The following MCM4 variants were observed in gnomAD, a reference collection of about 807,000 sequenced individuals.
The protein encoded by MCM4 is DNA replication licensing factor MCM4.
In MCM4, 60 loss-of-function variants were observed where a neutral mutation model predicts 88.7. The observed-to-expected ratio is 0.68, with a 90% CI of 0.55 to 0.84. The LOEUF is 0.84. Ranked by LOEUF, MCM4 falls within the 40% of genes least tolerant of loss-of-function variation. The pLI is 0.00. For missense variants in MCM4, 1,149 were observed against 1,105.5 expected (o/e 1.04, Z -0.56); for synonymous variants, 465 against 410.5 (o/e 1.13, Z -1.61).
rs549763258 is a variant in MCM4, at chr8:47,965,599, G to A, written c.833-588G>A. On this transcript the variant is annotated intron_variant, in intron 8 of 16. Coordinates refer to ENST00000649973, the MANE Select transcript of MCM4 (RefSeq NM_182746.3). ...AACCAGCAGGGGAAATTAGTTGCGG[G>A]CAGTGGGACCTTCAAAGGGAAAAAG... 2.6e-5 allele frequency among the ~76,000 whole-genome samples: 4 copies of A among 152,322 alleles called. No homozygotes were observed. The East Asian group carries it at 5.8e-4, about 22-fold the overall frequency.
chr8:47,963,118 G>T, intron 7 of MCM4, 78 bp downstream of exon 7: 14 of 862,750 alleles, frequency 1.6e-5, no homozygotes, highest in Non-Finnish European at 2.2e-5. Context: ...AAATTCTTCA[G>T]TAATGAAGAT....
chr8:47,961,355 A>ACC lies in MCM4; in HGVS notation c.70+143_70+144dup, dbSNP rs1334196162. 4 of 1,484,988 alleles carry ACC rather than the reference A, an allele frequency of 2.7e-6. No individual in the cohort carries two copies. In the Admixed American group the frequency reaches 6.6e-5, roughly 25 times the overall value. 92.0% of individuals were successfully genotyped at this position (1,484,988 alleles called of 1,614,324 possible). ...GCGCTGCCGCTTGGTGCGCACAGAC[A>ACC]CCCACAGCAGGCTGTGGCCTGGGTG... On this transcript the variant is annotated intron_variant, in intron 2 of 16. Coordinates refer to ENST00000649973, the MANE Select transcript of MCM4 (RefSeq NM_182746.3).
rs752058930 is a variant in MCM4, at chr8:47,962,226, C to T, written c.399+10C>T. The T allele has an allele frequency of 6.2e-7, 1 of 1,614,124 alleles. No homozygotes were observed. The highest frequency in any genetic ancestry group is 8.5e-7 in the Non-Finnish European group (1 of 1,180,012). On this transcript the variant is annotated intron_variant, in intron 4 of 16. Transcript: ENST00000649973. Reference sequence around the variant, plus strand: ...TCTGCAGTCTGACGGGGTGAGTATGCAGTCTCCTGAAACCATCTTATGGCG... The same window carrying T: ...TCTGCAGTCTGACGGGGTGAGTATGTAGTCTCCTGAAACCATCTTATGGCG...
At chr8:47,975,241 C>T (rs2090991185) in intron 15 of MCM4, 2 of 307,680 alleles carry the variant, frequency 6.5e-6, no homozygotes, top group African/African-American at 4.4e-5. Flanking sequence ...AGTTTAGTTA[C>T]ATATGTACGC....
At position 47,962,100 on chromosome 8, in the gene MCM4, C is replaced by T. The variant is rs911896888; in HGVS notation, c.283C>T (p.Pro95Ser). ...TAGTTCACCACTGACATACGGCACT[C>T]CCAGCTCTCGGGTAGAGGGAACCCC... Reference protein sequence around the residue: ...DVSSPLTYGTPSSRVEGTPRS... With the variant: ...DVSSPLTYGTSSSRVEGTPRS... The change falls in exon 4 of 17, where the codon CCC (proline) becomes TCC (serine). Residue 95 changes from proline (P) to serine (S), a missense_variant. Pro to Ser is a moderately conservative substitution (Grantham distance 74). Around this residue, in one of 3 missense-constraint regions of MCM4, gnomAD observed 906 missense variants for 843.0 expected, o/e 1.07. Transcript: ENST00000649973. 6.2e-7 allele frequency: 1 copy of T among 1,614,044 alleles called. No homozygotes were observed. Among genetic ancestry groups the T allele is most frequent in the African/African-American group, 1.3e-5 (1 of 74,904 alleles).
rs556469233 is a variant in MCM4 at position 47,962,819 on chromosome 8, T to C, written c.557T>C (p.Ile186Thr). The change falls in exon 6 of 17, where the codon ATA (isoleucine) becomes ACA (threonine). Residue 186 changes from isoleucine to threonine, a missense_variant. Around this residue, in one of 3 missense-constraint regions of MCM4, gnomAD observed 906 missense variants for 843.0 expected, o/e 1.07. Transcript: ENST00000649973. ...PLAKEEENVG[I>T]DITEPLYMQR... ...GCTAAAGAAGAAGAAAATGTTGGCA[T>C]AGATATTACTGAACCTCTATACATG... is the stretch of plus-strand genomic sequence containing the variant. The C allele has an allele frequency of 3.1e-6, 5 of 1,609,316 alleles. No homozygotes were observed. Among genetic ancestry groups the C allele is most frequent in the Non-Finnish European group, 4.2e-6 (5 of 1,178,888 alleles).
rs2090910266 is a variant in MCM4 at position 47,967,424 on chromosome 8, C to T, written c.1113C>T (p.Ile371=). 4 of 1,614,158 alleles carry T rather than the reference C, an allele frequency of 2.5e-6. No individual in the cohort carries two copies. Among genetic ancestry groups the T allele is most frequent in the Non-Finnish European group, 2.5e-6 (3 of 1,180,010 alleles). ...CAGGGCAGACACCACACACAGTTAT[C>T]CTGTTTGCTCACAATGATCTCGTTG... The part of the protein sequence containing the change: ...MPAGQTPHTV[I]LFAHNDLVDK... Residue 371 remains isoleucine, a synonymous_variant, in exon 10 of 17, where the codon ATC becomes ATT. Transcript: ENST00000649973.
At chr8:47,975,267 G>A (rs1291380100) in intron 15 of MCM4, 1 of 257,550 alleles carries the variant, frequency 3.9e-6, no homozygotes, top group Non-Finnish European at 7.5e-6. Context: ...CCATGTTGGT[G>A]TGCTGTACCC....
intron 16 of MCM4, among the ~76,000 whole-genome samples, chr8:47,976,236 T>TA (rs1197474721): frequency 1.3e-5 from 2 of 148,548 alleles, no homozygotes; most frequent in African/African-American, 2.5e-5. Flanking sequence ...GAGGTTGCAG[T>TA]AAGCTGAGAT....
Position 47,975,770 on chromosome 8 carries a change from G to C in MCM4, c.2421G>C (p.Lys807Asn), listed in dbSNP as rs1410195498. The C allele has an allele frequency of 6.3e-7, 1 of 1,586,332 alleles. No homozygotes were observed. The change falls in exon 16 of 17, where the codon AAG becomes AAC. Residue 807 changes from lysine (K) to asparagine (N), a missense_variant. Physicochemically the swap from Lys to Asn is moderately conservative, Grantham distance 94 (BLOSUM62 0). Transcript: ENST00000649973. ...RKEELAEALKKLILSKGKTPA... is the reference protein window; with the variant it reads ...RKEELAEALKNLILSKGKTPA... ...AAGAATTAGCTGAAGCATTGAAAAA[G>C]CTTATTTTATCTAAGGGCAAAACAC...
At chr8:47,964,740 T>C (rs779461519) in intron 8 of MCM4, 28 bp downstream of exon 8, 3 of 1,526,602 alleles carry the variant, frequency 2.0e-6, no homozygotes, top group Non-Finnish European at 2.6e-6. Context: ...GGATTACTTT[T>C]GTTGAAGGAA....
In MCM4 at chr8:47,970,665, G is replaced by A; in HGVS notation, c.1589G>A (p.Gly530Asp). 1 of 1,614,172 alleles carries A rather than the reference G, an allele frequency of 6.2e-7. No homozygotes were observed. The highest frequency in any genetic ancestry group is 8.5e-7 in the Non-Finnish European group (1 of 1,180,048). The change falls in exon 12 of 17, where the codon GGC becomes GAC. Residue 530 changes from glycine (G) to aspartate (D), a missense_variant. This residue lies in a region of MCM4 where 906 missense variants were observed against 843.0 expected (regional missense o/e 1.07). Coordinates refer to ENST00000649973, the MANE Select transcript of MCM4 (RefSeq NM_182746.3). Reference sequence around the variant, plus strand: ...TACGTGTACAACCTCGTCCCCAGGGGCCAGTACACGTCTGGGAAGGGCTCC... The same window carrying A: ...TACGTGTACAACCTCGTCCCCAGGGACCAGTACACGTCTGGGAAGGGCTCC... ...LQYVYNLVPR[G>D]QYTSGKGSSA...
At position 47,964,675 on chromosome 8, in the gene MCM4, A is replaced by G. The variant is rs372063762; in HGVS notation, c.795A>G (p.Ala265=). 2.3e-5 allele frequency: 36 copies of G among 1,596,732 alleles called. No individual in the cohort carries two copies. Among genetic ancestry groups the G allele is most frequent in the Non-Finnish European group, 2.9e-5 (34 of 1,174,054 alleles). ...AGATTCAAGTAAGACCATTCAACGC[A>G]TTGAAGACTAAGAATATGAGAAACC... The part of the protein sequence containing the change: ...EHQIQVRPFN[A]LKTKNMRNLN... The change falls in exon 8 of 17, where the codon GCA becomes GCG. Residue 265 remains alanine, a synonymous_variant. Coordinates refer to ENST00000649973, the MANE Select transcript of MCM4 (RefSeq NM_182746.3).
At chr8:47,974,438 C>A in intron 14 of MCM4, 1 of 337,748 alleles carries the variant, frequency 3.0e-6, no homozygotes, top group Non-Finnish European at 5.6e-6. Flanking sequence ...TCTGCCACGC[C>A]ATGCCCGTCT....
At chr8:47,963,223 C>G (rs1474992999) in intron 7 of MCM4, among the ~76,000 whole-genome samples, 183 bp downstream of exon 7, 1 of 152,158 alleles carries the variant, frequency 6.6e-6, no homozygotes, top group African/African-American at 2.4e-5. Context: ...GACGCCGAGG[C>G]AAATGGATCA....
In MCM4 at chr8:47,970,886, C is replaced by T; in HGVS notation, c.1800+10C>T. ...TCTGTCCATTGCAAAGGTGAGTCGC[C>T]TTCTCCACCGTGAACATGGACGTGT... is the stretch of plus-strand genomic sequence containing the variant. On this transcript the variant is annotated intron_variant, in intron 12 of 16. Transcript: ENST00000649973. 3.2e-6 allele frequency: 5 copies of T among 1,574,008 alleles called. No homozygotes were observed. Among genetic ancestry groups the T allele is most frequent in the Non-Finnish European group, 4.3e-6 (5 of 1,157,034 alleles).
At chr8:47,969,725 C>A (rs2090933662) in intron 10 of MCM4, 73 bp from the exon 11 acceptor site, 1 of 1,519,996 alleles carries the variant, frequency 6.6e-7, no homozygotes, top group Non-Finnish European at 9.1e-7. Context: ...GCACCTGTTG[C>A]CTACGCTGGT....
chr8:47,974,633 C>A (rs187791329), intron 14 of MCM4, 101 bp from the exon 15 acceptor site: 1 of 872,800 alleles, frequency 1.1e-6, no homozygotes, highest in Non-Finnish European at 1.9e-6. Context: ...TATCTGAGTT[C>A]CGTTTACTTA....
chr8:47,976,948 T>C lies in MCM4; in HGVS notation c.*170T>C, dbSNP rs1018915798. On this transcript the variant is annotated 3_prime_UTR_variant, in exon 17 of 17. Transcript: ENST00000649973. ...AATATTTGTAGTGAAGTATCTGTTT[T>C]CATTTTTTTCACGTTATAAATAAAA... 3.9e-6 allele frequency: 2 copies of C among 514,140 alleles called. No homozygotes were observed. Among genetic ancestry groups the C allele is most frequent in the African/African-American group, 1.9e-5 (1 of 51,732 alleles). 31.8% of individuals were successfully genotyped at this position (514,140 alleles called of 1,614,324 possible). A position where few individuals can be genotyped will look rare whatever the true frequency, so the allele number is the denominator to read the frequency against.
Sources: allele counts gnomAD v4.1 joint callset (sites outside exome capture counted in the v4.1 genomes callset), GRCh38; gene constraint gnomAD v4.1.1; regional missense constraint gnomAD v4.1.1; transcripts MANE v1.5; gene names NCBI Gene and HGNC (gene_info 2026-07-23, HGNC 2026-07-21).